OSBPL10: variants seen among roughly 807,000 people sequenced by gnomAD.
OSBPL10 encodes the protein oxysterol-binding protein-related protein 10.
In OSBPL10, 49 loss-of-function variants were observed where a neutral mutation model predicts 81.7. The ratio of observed to expected loss-of-function variants is 0.60; its 90% CI spans 0.48 to 0.76. The LOEUF (loss-of-function observed/expected upper bound fraction) is 0.76. OSBPL10 is among the 30% of genes least tolerant of loss of function. OSBPL10 has a pLI of 0.00. For synonymous variants in OSBPL10, 419 were observed against 383.6 expected (o/e 1.09, Z -1.08); for missense variants, 923 against 987.8 (o/e 0.93, Z 0.88).
At chr3:32,035,289 C>A (rs1281522491) in intron 2 of OSBPL10, among the ~76,000 whole-genome samples, 2 of 152,124 alleles carry the variant, frequency 1.3e-5, no homozygotes, top group Non-Finnish European at 2.9e-5. Flanking sequence ...AGGCTGGGCA[C>A]AGTGGCTCAT....
In OSBPL10 at chr3:32,004,166, T is replaced by C. The variant is rs368116595; in HGVS notation, n.298+42325A>G. ...TTTAAAAAATTAACGAGTGTCCATG[T>C]TGGCACCCTTTGTTAGAGAAGCAGA... On this transcript the variant is annotated intron_variant and non_coding_transcript_variant, in intron 2 of 3. Transcript: ENST00000479173. Among the ~76,000 whole-genome samples, 24 of 152,338 alleles carry C rather than the reference T, an allele frequency of 1.6e-4. No homozygotes were observed. The East Asian group carries it at 2.5e-3, about 16-fold the overall frequency.
At chr3:31,684,225 A>G (rs1700734496) in intron 7 of OSBPL10, 111 bp from the exon 8 acceptor site, 1 of 1,411,086 alleles carries the variant, frequency 7.1e-7, no homozygotes, top group South Asian at 1.4e-5. Flanking sequence ...ATCTCCAGCC[A>G]GGGAGCAGTC....
At chr3:31,665,480 T>C (rs1700167323) in intron 10 of OSBPL10, among the ~76,000 whole-genome samples, 1 of 151,960 alleles carries the variant, frequency 6.6e-6, no homozygotes, top group African/African-American at 2.4e-5. Context: ...AAGGCTTGAG[T>C]GCTGGCATGG....
chr3:31,755,763 A>G (rs568406752), intron 4 of OSBPL10, among the ~76,000 whole-genome samples: 1 of 152,284 alleles, frequency 6.6e-6, no homozygotes, highest in Non-Finnish European at 1.5e-5. Context: ...GTATCAAGAA[A>G]TCTCCAGTGT....
chr3:31,912,911 T>C (rs1212531694), intron 1 of OSBPL10, among the ~76,000 whole-genome samples: 1 of 152,132 alleles, frequency 6.6e-6, no homozygotes, highest in African/African-American at 2.4e-5. Flanking sequence ...TGAGCAAGGG[T>C]GGCATTATTA....
At chr3:31,833,735 A>T (rs71627032) in intron 3 of OSBPL10, among the ~76,000 whole-genome samples, 3,279 of 149,392 alleles carry the variant, frequency 0.022, 48 homozygotes, top group Middle Eastern at 0.059. Flanking sequence ...ACACACACAC[A>T]CACTCTCTCT....
In OSBPL10 at chr3:31,661,664, C is replaced by T. The variant is rs896922555; in HGVS notation, c.*408G>A. On this transcript the variant is annotated 3_prime_UTR_variant, in exon 12 of 12. Coordinates refer to ENST00000396556, the MANE Select transcript of OSBPL10 (RefSeq NM_017784.5). ...CCATGCCAGTTCACCTTCATTTTGA[C>T]AGGAGTTGACTAAGTGAGAATATCT... 6.4e-6 allele frequency: 1 copy of T among 155,504 alleles called. No individual in the cohort carries two copies. Among genetic ancestry groups the T allele is most frequent in the Non-Finnish European group, 1.4e-5 (1 of 70,398 alleles). 9.6% of individuals were successfully genotyped at this position (155,504 alleles called of 1,614,324 possible). A position where few individuals can be genotyped will look rare whatever the true frequency, so the allele number is the denominator to read the frequency against.
At chr3:31,948,073 G>C (rs1027582169) in intron 1 of OSBPL10, among the ~76,000 whole-genome samples, 1 of 152,148 alleles carries the variant, frequency 6.6e-6, no homozygotes, top group Non-Finnish European at 1.5e-5. Flanking sequence ...CCAGGCTAGA[G>C]GGTTCCTCCC....
intron 3 of OSBPL10, among the ~76,000 whole-genome samples, chr3:31,862,749 A>G (rs1453194821): frequency 6.6e-6 from 1 of 152,232 alleles, no homozygotes; most frequent in Non-Finnish European, 1.5e-5. Context: ...CACACCCACT[A>G]GTATGGCTGC....
chr3:31,783,146 T>TATATATATATATATATACACACAC (rs1485968747), intron 4 of OSBPL10, among the ~76,000 whole-genome samples: 5 of 113,008 alleles, frequency 4.4e-5, no homozygotes, highest in Admixed American at 1.8e-4. Context: ...TATATATATA[T>TATATATATATATATATACACACAC]ACACACACAC....
chr3:31,927,255 G>A (rs1318464175), intron 1 of OSBPL10, among the ~76,000 whole-genome samples: 1 of 152,158 alleles, frequency 6.6e-6, no homozygotes, highest in Non-Finnish European at 1.5e-5. Flanking sequence ...CAATTACCAT[G>A]AAAAACAAGC....
intron 1 of OSBPL10, among the ~76,000 whole-genome samples, chr3:31,933,335 T>C (rs1369716930): frequency 6.6e-6 from 1 of 152,172 alleles, no homozygotes; most frequent in Non-Finnish European, 1.5e-5. Flanking sequence ...CCACTTCAAC[T>C]TTAACATTCT....
intron 2 of OSBPL10, chr3:31,989,530 A>G (rs1305135085): frequency 1.5e-5 from 24 of 1,614,124 alleles, no homozygotes; most frequent in Non-Finnish European, 2.0e-5. Flanking sequence ...AAACAAGCCT[A>G]TCAAAGATCA....
intron 2 of OSBPL10, among the ~76,000 whole-genome samples, chr3:32,018,982 G>A (rs984518501): frequency 2.0e-5 from 3 of 151,560 alleles, no homozygotes; most frequent in African/African-American, 7.3e-5. Context: ...AAAATGAAGA[G>A]GACCAGGAGT....
At chr3:31,730,298 T>C (rs1322961341) in intron 6 of OSBPL10, among the ~76,000 whole-genome samples, 3 of 149,114 alleles carry the variant, frequency 2.0e-5, no homozygotes, top group Admixed American at 1.4e-4. Context: ...CTGAGATCGA[T>C]CACGCCACTG....
At chr3:31,719,423 T>C (rs972840642) in intron 6 of OSBPL10, among the ~76,000 whole-genome samples, 3 of 152,072 alleles carry the variant, frequency 2.0e-5, no homozygotes, top group Non-Finnish European at 4.4e-5. Flanking sequence ...ATGAACAAGA[T>C]GTTAAAGACA....
chr3:31,853,239 G>A (rs1357939970), intron 3 of OSBPL10, among the ~76,000 whole-genome samples: 2 of 152,138 alleles, frequency 1.3e-5, no homozygotes, highest in East Asian at 1.9e-4. Context: ...AGGATTCAGA[G>A]GGAAGAAAGA....
At chr3:31,741,196 G>A (rs1026301389) in intron 5 of OSBPL10, among the ~76,000 whole-genome samples, 30 of 152,322 alleles carry the variant, frequency 2.0e-4, no homozygotes, top group African/African-American at 7.0e-4. Flanking sequence ...CAAAAAGATT[G>A]AATTTTCACT....
At chr3:32,070,446 C>T (rs1467469859) in intron 1 of OSBPL10, among the ~76,000 whole-genome samples, 4 of 152,152 alleles carry the variant, frequency 2.6e-5, no homozygotes, top group African/African-American at 9.7e-5. Flanking sequence ...TTCTTCCCAA[C>T]CCAAAGCCTC....
Sources: gnomAD v4.1 joint callset for allele counts (sites outside exome capture counted in the v4.1 genomes callset) on GRCh38, gnomAD v4.1.1 for gene constraint, MANE v1.5 for transcripts, NCBI Gene and HGNC (gene_info 2026-07-23, HGNC 2026-07-21) for gene names.